DLEU7: variants seen among roughly 807,000 people sequenced by gnomAD.
The protein encoded by DLEU7 is leukemia-associated protein 7.
Under a neutral mutation model 16.0 loss-of-function variants are expected in DLEU7, and 17 were observed. The observed-to-expected ratio is 1.06, with a 90% CI of 0.73 to 1.59. The LOEUF (loss-of-function observed/expected upper bound fraction) is 1.59, where lower values mean the gene tolerates loss of function less well. DLEU7 is among the 40% of genes most tolerant of loss of function. The pLI, the probability that DLEU7 is intolerant of heterozygous loss-of-function variation, is 0.00. For synonymous variants in DLEU7, 113 were observed against 139.8 expected (o/e 0.81, Z 1.35); for missense variants, 308 against 314.9 (o/e 0.98, Z 0.17).
intron 1 of DLEU7, among the ~76,000 whole-genome samples, chr13:50,746,172 A>G (rs538323436): frequency 4.9e-4 from 75 of 152,318 alleles, no homozygotes; most frequent in Non-Finnish European, 9.7e-4. Flanking sequence ...GGCACACAGT[A>G]AGTTCTGTGC....
chr13:50,777,836 G>T (rs905890712), intron 1 of DLEU7, among the ~76,000 whole-genome samples: 2 of 152,090 alleles, frequency 1.3e-5, no homozygotes, highest in Non-Finnish European at 2.9e-5. Context: ...CCATAAACCT[G>T]CCCTCACCTT....
intron 1 of DLEU7, among the ~76,000 whole-genome samples, chr13:50,775,052 A>G (rs752183101): frequency 2.6e-5 from 4 of 151,970 alleles, no homozygotes; most frequent in Non-Finnish European, 5.9e-5. Flanking sequence ...ATTTTTGTCA[A>G]TGTTAACGTC....
chr13:50,738,966 C>CAT (rs1211050231), intron 1 of DLEU7, among the ~76,000 whole-genome samples: 550 of 25,740 alleles, frequency 0.021, 3 homozygotes, highest in African/African-American at 0.21. Context: ...AAATAATACA[C>CAT]ACACACACAC....
intron 1 of DLEU7, among the ~76,000 whole-genome samples, chr13:50,796,906 A>C (rs1205910651): frequency 6.6e-6 from 1 of 152,158 alleles, no homozygotes; most frequent in Non-Finnish European, 1.5e-5. Context: ...TGTTGTGAGC[A>C]AGAAGTAGAA....
chr13:50,820,732 C>G (rs910118042), downstream of DLEU7, among the ~76,000 whole-genome samples: 1 of 151,848 alleles, frequency 6.6e-6, no homozygotes, highest in Admixed American at 6.6e-5. Context: ...TCCAGAACAG[C>G]GCTATCTCAT....
chr13:50,784,997 A>G (rs1166842781), intron 1 of DLEU7, among the ~76,000 whole-genome samples: 2 of 152,184 alleles, frequency 1.3e-5, no homozygotes, highest in Non-Finnish European at 2.9e-5. Flanking sequence ...GGCTGCTTAT[A>G]TAAGGAGAAG....
At chr13:50,716,288 G>A (rs951622203) in intron 1 of DLEU7, among the ~76,000 whole-genome samples, 1 of 152,184 alleles carries the variant, frequency 6.6e-6, no homozygotes, top group Non-Finnish European at 1.5e-5. Context: ...TCCATTAACA[G>A]GAACTCAAGC....
intron 1 of DLEU7, among the ~76,000 whole-genome samples, chr13:50,733,485 A>G (rs2812244): frequency 0.23 from 35,254 of 152,052 alleles, 5,517 homozygotes; most frequent in African/African-American, 0.45. Flanking sequence ...TGTTTAGAAT[A>G]CATCCAAGTT....
Position 50,823,180 on chromosome 13 carries a change from C to T in DLEU7, c.*134G>A, listed in dbSNP as rs1876968830. The T allele has an allele frequency of 4.8e-6, 7 of 1,461,456 alleles. No individual in the cohort carries two copies. The highest frequency in any genetic ancestry group is 5.4e-6 in the Non-Finnish European group (6 of 1,107,196). 90.5% of individuals were successfully genotyped at this position (1,461,456 alleles called of 1,614,324 possible). Reference sequence around the variant, plus strand: ...AAGGCTACAGATGCCACTGGTCAGACTGCTCCACGTACCATCAAGTCTTTC... The same window carrying T: ...AAGGCTACAGATGCCACTGGTCAGATTGCTCCACGTACCATCAAGTCTTTC... On this transcript the variant is annotated 3_prime_UTR_variant, in exon 2 of 2. Coordinates refer to ENST00000504404, the MANE Select transcript of DLEU7 (RefSeq NM_001306135.2).
intron 1 of DLEU7, among the ~76,000 whole-genome samples, chr13:50,728,026 G>T (rs1485803653): frequency 6.6e-6 from 1 of 152,192 alleles, no homozygotes; most frequent in Non-Finnish European, 1.5e-5. Flanking sequence ...AGGTGAGAAA[G>T]GTGCAGTCCT....
intron 1 of DLEU7, among the ~76,000 whole-genome samples, chr13:50,727,561 C>CT (rs1213823262): frequency 2.0e-5 from 3 of 152,106 alleles, no homozygotes; most frequent in African/African-American, 7.2e-5. Context: ...CTGTGAAGGG[C>CT]TGCTCCCATC....
intron 1 of DLEU7, among the ~76,000 whole-genome samples, chr13:50,812,028 C>G (rs528084456): frequency 6.8e-6 from 1 of 147,274 alleles, no homozygotes; most frequent in African/African-American, 2.5e-5. Context: ...CAAGATCATA[C>G]CATTGCACTC....
intron 1 of DLEU7, among the ~76,000 whole-genome samples, chr13:50,736,618 T>C (rs1178497672): frequency 2.6e-5 from 4 of 152,124 alleles, no homozygotes; most frequent in Non-Finnish European, 5.9e-5. Flanking sequence ...TGATCTCAAC[T>C]TGGTAGCCAA....
At chr13:50,790,304 TAAAAA>T (rs1339708096) in intron 1 of DLEU7, among the ~76,000 whole-genome samples, 3 of 152,108 alleles carry the variant, frequency 2.0e-5, no homozygotes, top group Admixed American at 2.0e-4. Context: ...TTGTTAAAAA[TAAAAA>T]TAAAAATAAA....
intron 1 of DLEU7, among the ~76,000 whole-genome samples, chr13:50,782,774 G>GAAAAAAA: frequency 7.7e-6 from 1 of 130,104 alleles, no homozygotes; most frequent in Non-Finnish European, 1.6e-5. Context: ...ACTGTCTACA[G>GAAAAAAA]AAAAAAAAAA....
intron 1 of DLEU7, among the ~76,000 whole-genome samples, chr13:50,761,266 G>A (rs626711): frequency 0.51 from 77,563 of 151,774 alleles, 21,625 homozygotes; most frequent in African/African-American, 0.74. Flanking sequence ...AGCTTTAGCA[G>A]GAAGGTGTCA....
chr13:50,786,142 G>A (rs1231938296), intron 1 of DLEU7, among the ~76,000 whole-genome samples: 1 of 152,074 alleles, frequency 6.6e-6, no homozygotes, highest in Non-Finnish European at 1.5e-5. Flanking sequence ...TGGGTTCAAG[G>A]TTCTAGAAAA....
chr13:50,756,119 A>C (rs996172926), intron 1 of DLEU7, among the ~76,000 whole-genome samples: 1 of 152,120 alleles, frequency 6.6e-6, no homozygotes, highest in African/African-American at 2.4e-5. Context: ...TGGAGGTTGC[A>C]GGGGGGTGAA....
At chr13:50,790,579 A>G (rs937562414) in intron 1 of DLEU7, among the ~76,000 whole-genome samples, 19 of 152,200 alleles carry the variant, frequency 1.2e-4, no homozygotes, top group African/African-American at 4.3e-4. Context: ...TCTCTCACAC[A>G]CACTGGTGGA....
Sources: allele counts gnomAD v4.1 joint callset (sites outside exome capture counted in the v4.1 genomes callset), GRCh38; gene constraint gnomAD v4.1.1; transcripts MANE v1.5; gene names NCBI Gene and HGNC (gene_info 2026-07-23, HGNC 2026-07-21).